The following RUNX3 variants were observed in gnomAD, a reference collection of about 807,000 sequenced individuals.
RUNX3 encodes the protein RUNX family transcription factor 3.
Under a neutral mutation model 27.7 loss-of-function variants are expected in RUNX3, and 10 were observed. The ratio of observed to expected loss-of-function variants is 0.36; its 90% confidence interval spans 0.22 to 0.61. RUNX3 has a LOEUF of 0.61. RUNX3 is among the 20% of genes least tolerant of loss of function. The pLI, the probability that RUNX3 is intolerant of heterozygous loss-of-function variation, is 0.72. For missense variants in RUNX3, 469 were observed against 629.5 expected (o/e 0.75, Z 2.73); for synonymous variants, 270 against 269.2 (o/e 1.00, Z -0.03).
intron 2 of RUNX3, among the ~76,000 whole-genome samples, chr1:24,939,637 C>G (rs1034921991): frequency 6.6e-6 from 1 of 152,220 alleles, no homozygotes; most frequent in Non-Finnish European, 1.5e-5. Flanking sequence ...AACCCTGGCT[C>G]TGGAAGTTTC....
chr1:24,904,094 G>A lies in RUNX3; in HGVS notation c.704-1428C>T, dbSNP rs991459644. On this transcript the variant is annotated intron_variant, in intron 4 of 4. Coordinates refer to ENST00000308873, the MANE Select transcript of RUNX3 (RefSeq NM_004350.3). The surrounding 1 kb of genome is among the most constrained non-coding windows in gnomAD (Gnocchi z 5.7). ...GGGCCTCCCTTCTACTCTGGCAGCC[G>A]GGGGAGGTGGATGAGCCCCCAGCAG... is the stretch of plus-strand genomic sequence containing the variant. 6.6e-6 allele frequency among the ~76,000 whole-genome samples: 1 copy of A among 152,130 alleles called. No homozygotes were observed. The highest frequency in any genetic ancestry group is 1.5e-5 in the Non-Finnish European group (1 of 68,000).
chr1:24,925,232 A>T (rs1474498416), intron 2 of RUNX3, among the ~76,000 whole-genome samples: 1 of 152,094 alleles, frequency 6.6e-6, no homozygotes, highest in Non-Finnish European at 1.5e-5. Flanking sequence ...GTGTGTCTGC[A>T]TGCCAGCGGA....
chr1:24,915,972 C>G (rs1640881589), intron 3 of RUNX3, among the ~76,000 whole-genome samples: 1 of 152,198 alleles, frequency 6.6e-6, no homozygotes, highest in Admixed American at 6.5e-5. Context: ...GCCACACAGG[C>G]AGGAAGCCAC....
Position 24,927,124 on chromosome 1 carries a change from G to A in RUNX3, c.439+450C>T, listed in dbSNP as rs1641114025. Among the ~76,000 whole-genome samples, 1 of 152,226 alleles carries A rather than the reference G, an allele frequency of 6.6e-6. No individual in the cohort carries two copies. Among genetic ancestry groups the A allele is most frequent in the South Asian group, 2.1e-4 (1 of 4,838 alleles). Reference sequence around the variant, plus strand: ...GGGTCTGGGAGACCACAGCTGGAGAGACAGCCTCAGAGTGTGGGGGATATT... The same window carrying A: ...GGGTCTGGGAGACCACAGCTGGAGAAACAGCCTCAGAGTGTGGGGGATATT... On this transcript the variant is annotated intron_variant, in intron 2 of 4. Transcript: ENST00000308873. This position sits in a 1 kb window ranked among gnomAD's most constrained non-coding sequence, Gnocchi z 5.0.
chr1:24,927,826 C>T lies in RUNX3; in HGVS notation c.283-96G>A, dbSNP rs7517302. 592,074 of 1,062,078 alleles carry T rather than the reference C, an allele frequency of 0.56. 166,571 individuals are homozygous for T. The highest frequency in any genetic ancestry group is 0.61 in the Admixed American group (34,546 of 56,506). The allele number at this position is 1,062,078 out of a possible 1,614,324, so 65.8% of individuals were successfully genotyped here. On this transcript the variant is annotated intron_variant, in intron 1 of 4. Coordinates refer to ENST00000308873, the MANE Select transcript of RUNX3 (RefSeq NM_004350.3). This position sits in a 1 kb window ranked among gnomAD's most constrained non-coding sequence, Gnocchi z 5.0. ...GAGGGGCTGGGCTGGGCAGCTCCCC[C>T]AGGTCCCAGGCACACTGAGTATTTC...
intron 2 of RUNX3, among the ~76,000 whole-genome samples, chr1:24,956,371 C>T (rs970950721): frequency 5.9e-5 from 9 of 152,236 alleles, no homozygotes; most frequent in African/African-American, 2.2e-4. Flanking sequence ...TAAAGGTTAC[C>T]TGCCATCATG....
At chr1:24,914,030 G>A (rs1242577614) in intron 3 of RUNX3, among the ~76,000 whole-genome samples, 1 of 152,240 alleles carries the variant, frequency 6.6e-6, no homozygotes, top group East Asian at 1.9e-4. Context: ...GGAGGCACAC[G>A]GTCAAGGTCA....
At chr1:24,951,514 G>A (rs1194145971) in intron 2 of RUNX3, among the ~76,000 whole-genome samples, 1 of 152,214 alleles carries the variant, frequency 6.6e-6, no homozygotes, top group Non-Finnish European at 1.5e-5. Context: ...GCCCAGAGGA[G>A]GCAATGACTC....
chr1:24,926,175 T>C (rs1641096401), intron 2 of RUNX3, among the ~76,000 whole-genome samples: 3 of 152,302 alleles, frequency 2.0e-5, no homozygotes, highest in East Asian at 3.9e-4. Flanking sequence ...TGCCCCGCAG[T>C]CAGCAGAGCT....
chr1:24,924,054 G>C (rs1641050562), intron 2 of RUNX3, among the ~76,000 whole-genome samples: 1 of 152,094 alleles, frequency 6.6e-6, no homozygotes, highest in Non-Finnish European at 1.5e-5. Context: ...ATTCTTCCTG[G>C]GAGGGAAAAA....
At chr1:24,939,696 C>T (rs1004777423) in intron 2 of RUNX3, among the ~76,000 whole-genome samples, 2 of 152,372 alleles carry the variant, frequency 1.3e-5, no homozygotes, top group Non-Finnish European at 2.9e-5. Flanking sequence ...GTTTGCCCCC[C>T]TGGGGCTTCC....
chr1:24,921,987 G>A (rs1255909058), intron 2 of RUNX3, among the ~76,000 whole-genome samples: 2 of 152,120 alleles, frequency 1.3e-5, no homozygotes, highest in South Asian at 2.1e-4. Flanking sequence ...GTCTTGCTCT[G>A]TCACCCAGGT....
chr1:24,919,761 C>T (rs973958300), intron 2 of RUNX3, among the ~76,000 whole-genome samples: 9 of 151,922 alleles, frequency 5.9e-5, no homozygotes, highest in African/African-American at 1.2e-4. Context: ...CACCCCCCCC[C>T]CACGGTTCCA....
At chr1:24,906,964 G>T (rs933055388) in intron 4 of RUNX3, among the ~76,000 whole-genome samples, 1 of 152,164 alleles carries the variant, frequency 6.6e-6, no homozygotes, top group Non-Finnish European at 1.5e-5. Context: ...GGGGCACTAT[G>T]GGGTTAACCC....
upstream of RUNX3, chr1:24,930,365 A>G (rs1641197840): frequency 2.5e-6 from 1 of 395,642 alleles, no homozygotes; most frequent in African/African-American, 2.2e-5. The surrounding 1 kb of genome is among the most constrained non-coding windows in gnomAD (Gnocchi z 4.1). Flanking sequence ...CAATCGGCGG[A>G]GCCCCCATCG....
At chr1:24,907,452 C>T (rs1640689249) in intron 3 of RUNX3, 35 bp from the exon 4 acceptor site, 1 of 1,589,922 alleles carries the variant, frequency 6.3e-7, no homozygotes, top group South Asian at 1.1e-5. Context: ...GCCGTTGCTT[C>T]CCCAGAGTCT....
At chr1:24,951,223 AT>A (rs1641757980) in intron 2 of RUNX3, among the ~76,000 whole-genome samples, 2 of 150,646 alleles carry the variant, frequency 1.3e-5, no homozygotes, top group Non-Finnish European at 3.0e-5. Context: ...AAAAAAAAAA[AT>A]AAGGCAGCAT....
intron 3 of RUNX3, among the ~76,000 whole-genome samples, chr1:24,911,148 C>T (rs1314489317): frequency 6.6e-6 from 1 of 152,236 alleles, no homozygotes; most frequent in Non-Finnish European, 1.5e-5. Flanking sequence ...GCAGAAGAAT[C>T]TTAACAGGCA....
intron 2 of RUNX3, among the ~76,000 whole-genome samples, chr1:24,942,284 A>G (rs1571341407): frequency 6.6e-6 from 1 of 152,298 alleles, no homozygotes; most frequent in East Asian, 1.9e-4. Flanking sequence ...ACCTAGGGCT[A>G]TTTTAGGTGC....
Sources: gnomAD v4.1 joint callset for allele counts (sites outside exome capture counted in the v4.1 genomes callset) on GRCh38, gnomAD v4.1.1 for gene constraint, Gnocchi (gnomAD v3.1) non-coding constraint, MANE v1.5 for transcripts, NCBI Gene and HGNC (gene_info 2026-07-23, HGNC 2026-07-21) for gene names.